The following MDN1 variants were observed in gnomAD, a reference collection of about 807,000 sequenced individuals.
MDN1 encodes midasin AAA ATPase 1.
In MDN1, 266 loss-of-function variants were observed where a neutral mutation model predicts 669.2. That is an observed-to-expected ratio of 0.40 (90% CI 0.36 to 0.44). The LOEUF (loss-of-function observed/expected upper bound fraction) is 0.44. MDN1 is among the 20% of genes least tolerant of loss of function. The pLI, the probability that MDN1 is intolerant of heterozygous loss-of-function variation, is 1.00. For synonymous variants in MDN1, 2,385 were observed against 2,457.1 expected (o/e 0.97, Z 0.87); for missense variants, 5,940 against 6,754.0 (o/e 0.88, Z 4.22).
At chr6:89,759,085 T>C in intron 17 of MDN1, 125 bp from the exon 18 acceptor site, 1 of 890,288 alleles carries the variant, frequency 1.1e-6, no homozygotes, top group South Asian at 1.9e-5. Flanking sequence ...GGGCCTATAC[T>C]TTAACTGGCT....
In MDN1 at chr6:89,642,805, T is replaced by C. The variant is rs1033037564; in HGVS notation, c.*1200A>G. 2.0e-5 allele frequency: 3 copies of C among 152,252 alleles called. No individual in the cohort carries two copies. Among genetic ancestry groups the C allele is most frequent in the African/African-American group, 4.8e-5 (2 of 41,472 alleles). 9.4% of individuals were successfully genotyped at this position (152,252 alleles called of 1,614,324 possible). A position where few individuals can be genotyped will look rare whatever the true frequency, so the allele number is the denominator to read the frequency against. Reference sequence around the variant, plus strand: ...TCAACAACAGTGGTATATGTTTTAATAGTTTTCAGAATATAAGCTGCATAG... The same window carrying C: ...TCAACAACAGTGGTATATGTTTTAACAGTTTTCAGAATATAAGCTGCATAG... On this transcript the variant is annotated 3_prime_UTR_variant, in exon 102 of 102. Coordinates refer to ENST00000369393, the MANE Select transcript of MDN1 (RefSeq NM_014611.3).
Position 89,742,718 on chromosome 6 carries a change from C to T in MDN1, c.4448+432G>A, listed in dbSNP as rs529282195. Among the ~76,000 whole-genome samples, 16 of 152,264 alleles carry T rather than the reference C, an allele frequency of 1.1e-4. No individual in the cohort carries two copies. The East Asian group carries it at 3.1e-3, about 29-fold the overall frequency. ...CTGATGATGGCTTATAGCCATGGGT[C>T]TAGGATTCTGACTACAGTTCTTTCA... On this transcript the variant is annotated intron_variant, in intron 31 of 101. Coordinates refer to ENST00000369393, the MANE Select transcript of MDN1 (RefSeq NM_014611.3).
At chr6:89,674,977 C>T (rs1811084284) in intron 78 of MDN1, among the ~76,000 whole-genome samples, 1 of 152,298 alleles carries the variant, frequency 6.6e-6, no homozygotes, top group Non-Finnish European at 1.5e-5. Flanking sequence ...CCTAACTGTC[C>T]TCATCTCTTA....
At chr6:89,656,879 A>C (rs1489476954) in intron 90 of MDN1, 78 bp from the exon 91 acceptor site, 2 of 1,182,264 alleles carry the variant, frequency 1.7e-6, no homozygotes, top group Non-Finnish European at 2.5e-6. Flanking sequence ...CATTGAATAC[A>C]ACTTCTCTCA....
intron 11 of MDN1, among the ~76,000 whole-genome samples, chr6:89,777,596 C>A (rs548913192): frequency 3.7e-4 from 56 of 152,264 alleles, no homozygotes; most frequent in African/African-American, 1.3e-3. Flanking sequence ...TTTCTATAAT[C>A]CCTTAGTGCT....
chr6:89,652,538 C>T (rs973349913), intron 94 of MDN1, among the ~76,000 whole-genome samples: 4 of 152,222 alleles, frequency 2.6e-5, no homozygotes, highest in Non-Finnish European at 4.4e-5. Flanking sequence ...AAAACCCAAA[C>T]ACCCTTAAGT....
intron 39 of MDN1, 36 bp from the exon 40 acceptor site, chr6:89,723,179 T>C: frequency 6.3e-7 from 1 of 1,589,612 alleles, no homozygotes; most frequent in South Asian, 1.1e-5. Context: ...AAACATGCCC[T>C]GCTTACTACT....
intron 23 of MDN1, 131 bp from the exon 24 acceptor site, chr6:89,750,663 T>A: frequency 1.1e-6 from 1 of 893,654 alleles, no homozygotes; most frequent in Non-Finnish European, 1.7e-6. Context: ...AGTATGGTGG[T>A]GCAATCATAG....
chr6:89,819,443 A>G lies in MDN1; in HGVS notation c.102+63T>C, dbSNP rs551507003. On this transcript the variant is annotated intron_variant, in intron 1 of 101. Coordinates refer to ENST00000369393, the MANE Select transcript of MDN1 (RefSeq NM_014611.3). ...GCGGCGAGTATCGGCGGGGGAGCGC[A>G]GGAAGCTTACTAGTGGGGCGACCCA... The G allele has an allele frequency of 6.9e-5, 99 of 1,427,246 alleles. 2 individuals carry two copies. The South Asian group carries it at 1.2e-3, about 17-fold the overall frequency. 88.4% of individuals were successfully genotyped at this position (1,427,246 alleles called of 1,614,324 possible).
At chr6:89,797,201 C>T (rs919259547) in intron 2 of MDN1, among the ~76,000 whole-genome samples, 1 of 151,802 alleles carries the variant, frequency 6.6e-6, no homozygotes, top group Non-Finnish European at 1.5e-5. Flanking sequence ...GAAACCCCGT[C>T]TCTACTAAAA....
intron 1 of MDN1, among the ~76,000 whole-genome samples, chr6:89,813,830 G>A (rs1400194323): frequency 6.6e-6 from 1 of 151,688 alleles, no homozygotes. Flanking sequence ...TGTAATTCCA[G>A]CATTTTGGGT....
At chr6:89,644,246 TTAGC>T (rs1808334633) in intron 101 of MDN1, 53 bp from the exon 102 acceptor site, 1 of 1,442,680 alleles carries the variant, frequency 6.9e-7, no homozygotes. Context: ...ACCAGCATCC[TTAGC>T]TAGCTCTTCT....
chr6:89,751,666 T>G, intron 22 of MDN1, 84 bp from the exon 23 acceptor site: 1 of 1,408,674 alleles, frequency 7.1e-7, no homozygotes, highest in Non-Finnish European at 9.7e-7. Flanking sequence ...CAGCCACTTG[T>G]TGAACAAGCT....
intron 33 of MDN1, among the ~76,000 whole-genome samples, chr6:89,736,248 G>A (rs1471878410): frequency 1.3e-5 from 2 of 152,136 alleles, no homozygotes; most frequent in Non-Finnish European, 2.9e-5. Context: ...AGAAAGCCTG[G>A]AGTAAACAAG....
At chr6:89,754,723 T>C (rs1029387948) in intron 20 of MDN1, among the ~76,000 whole-genome samples, 11 of 152,154 alleles carry the variant, frequency 7.2e-5, no homozygotes, top group Non-Finnish European at 1.2e-4. Context: ...GAAGTCCAGA[T>C]GATGACAGGA....
chr6:89,672,559 G>C lies in MDN1; in HGVS notation c.13618C>G (p.Gln4540Glu). 6.2e-7 allele frequency: 1 copy of C among 1,612,838 alleles called. No homozygotes were observed. Among genetic ancestry groups the C allele is most frequent in the Non-Finnish European group, 8.5e-7 (1 of 1,179,598 alleles). Reference sequence around the variant, plus strand: ...ATTTCAGACATACCATAATCTTCTTGTGGGCTTGCTTGGTCAGTGTTCTCC... The same window carrying C: ...ATTTCAGACATACCATAATCTTCTTCTGGGCTTGCTTGGTCAGTGTTCTCC... ...AEENTDQASP[Q>E]EDYAGFERLQ... Residue 4540 changes from glutamine (Q) to glutamate (E), a missense_variant, in exon 81 of 102, where the codon CAA (glutamine) becomes GAA (glutamate). Physicochemically the swap from Gln to Glu is conservative, Grantham distance 29. Transcript: ENST00000369393.
chr6:89,750,450 G>T lies in MDN1; in HGVS notation c.3310C>A (p.His1104Asn), dbSNP rs1816881500. 6.2e-7 allele frequency: 1 copy of T among 1,613,980 alleles called. No individual in the cohort carries two copies. The highest frequency in any genetic ancestry group is 1.7e-5 in the Admixed American group (1 of 60,014). The change falls in exon 24 of 102, where the codon CAC becomes AAC. Residue 1104 changes from histidine to asparagine, a missense_variant. Physicochemically the swap from His to Asn is moderately conservative, Grantham distance 68. This residue lies in a region of MDN1 where 2,292 missense variants were observed against 2,638.3 expected (regional missense o/e 0.87). Transcript: ENST00000369393. ...IQWLAAATGNHCVRINNHEHT... is the reference protein window; with the variant it reads ...IQWLAAATGNNCVRINNHEHT... ...TCGTGATTATTAATACGCACACAGTGGTTGCCAGTAGCTGCAGCCAGCCAC... is the reference window on the plus strand; with the variant it reads ...TCGTGATTATTAATACGCACACAGTTGTTGCCAGTAGCTGCAGCCAGCCAC...
At chr6:89,752,251 T>C (rs1004314691) in intron 22 of MDN1, among the ~76,000 whole-genome samples, 2 of 151,914 alleles carry the variant, frequency 1.3e-5, no homozygotes, top group African/African-American at 4.8e-5. Context: ...TGAGAAGCAA[T>C]AGGGGGAGGG....
In MDN1 at chr6:89,710,731, A is replaced by G. The variant is rs747522918; in HGVS notation, c.7715T>C (p.Leu2572Pro). The change falls in exon 50 of 102, where the codon CTC becomes CCC. Residue 2572 changes from leucine (L) to proline (P), a missense_variant. Transcript: ENST00000369393. ...GAAAACATTACTGACTGCACCTGAG[A>G]GGGAATGTGAGTAAAAATTCCTGAG... ...ASLRNFYSHS[L>P]SGAVSNVFKI... is the part of the protein sequence containing the mutation. 1.2e-6 allele frequency: 2 copies of G among 1,602,726 alleles called. No homozygotes were observed. The highest frequency in any genetic ancestry group is 3.5e-5 in the Admixed American group (2 of 57,592).
Sources: gnomAD v4.1 joint callset for allele counts (sites outside exome capture counted in the v4.1 genomes callset) on GRCh38, gnomAD v4.1.1 for gene constraint, gnomAD v4.1.1 regional missense constraint, MANE v1.5 for transcripts, NCBI Gene and HGNC (gene_info 2026-07-23, HGNC 2026-07-21) for gene names.